The following MAF variants were observed in gnomAD, a reference collection of about 807,000 sequenced individuals.
MAF encodes the protein transcription factor Maf.
Under a neutral mutation model 22.0 loss-of-function variants are expected in MAF, and 10 were observed. That is an observed-to-expected ratio of 0.45 (90% CI 0.28 to 0.77). The LOEUF is 0.77. MAF is among the 30% of genes least tolerant of loss of function. The pLI, the probability that MAF is intolerant of heterozygous loss-of-function variation, is 0.12. For synonymous variants in MAF, 337 were observed against 255.8 expected, an observed-to-expected ratio of 1.32 and a Z score of -3.03; for missense variants, 544 against 548.4, an observed-to-expected ratio of 0.99 and a Z score of 0.08.
At chr16:79,550,662 C>G in the MAF span, among the ~76,000 whole-genome samples, 1 of 152,184 alleles carries the variant, frequency 6.6e-6, no homozygotes, top group Admixed American at 6.5e-5. Context: ...ATCTCACTCA[C>G]TGCCTTTGTC....
the MAF span, among the ~76,000 whole-genome samples, chr16:79,354,419 G>T: frequency 6.6e-6 from 1 of 152,250 alleles, no homozygotes; most frequent in Middle Eastern, 3.4e-3. Context: ...TATGTGTGCT[G>T]GGTGACAGGC....
the MAF span, among the ~76,000 whole-genome samples, chr16:79,284,138 GAAC>G: frequency 6.6e-6 from 1 of 152,168 alleles, no homozygotes; most frequent in African/African-American, 2.4e-5. Flanking sequence ...CGATTTAGCA[GAAC>G]ACCACTGACC....
the MAF span, among the ~76,000 whole-genome samples, chr16:79,450,591 A>G: frequency 6.6e-6 from 1 of 152,204 alleles, no homozygotes; most frequent in East Asian, 1.9e-4. Flanking sequence ...TGTGATTCCT[A>G]CAGTTGTCCT....
At chr16:79,333,375 G>C in the MAF span, among the ~76,000 whole-genome samples, 2 of 152,068 alleles carry the variant, frequency 1.3e-5, no homozygotes, top group Non-Finnish European at 2.9e-5. Context: ...GATTATAGGG[G>C]ACTTTGCAGG....
chr16:79,577,102 G>C, the MAF span, among the ~76,000 whole-genome samples: 2 of 152,098 alleles, frequency 1.3e-5, no homozygotes, highest in South Asian at 4.1e-4. Context: ...TAGAAAAAAA[G>C]CCACTCATTA....
the MAF span, chr16:79,213,030 G>GTGAT: frequency 0.62 from 94,542 of 151,928 alleles, 30,221 homozygotes; most frequent in Non-Finnish European, 0.68. Flanking sequence ...CAAGTACTTA[G>GTGAT]TGATTAGCGG....
chr16:79,339,309 T>C, the MAF span, among the ~76,000 whole-genome samples: 1 of 152,194 alleles, frequency 6.6e-6, no homozygotes, highest in Admixed American at 6.5e-5. Flanking sequence ...TCCGCCTGCC[T>C]CGGCCTCCCA....
At chr16:79,315,257 T>G in the MAF span, among the ~76,000 whole-genome samples, 1 of 152,026 alleles carries the variant, frequency 6.6e-6, no homozygotes, top group Non-Finnish European at 1.5e-5. Flanking sequence ...CCATAGAACA[T>G]ATCAGGGTGA....
At chr16:79,568,772 C>T in the MAF span, among the ~76,000 whole-genome samples, 9 of 152,282 alleles carry the variant, frequency 5.9e-5, no homozygotes, top group East Asian at 1.2e-3. Context: ...ATCTTGAACC[C>T]TTCAAGACAA....
At chr16:79,492,129 C>T in the MAF span, among the ~76,000 whole-genome samples, 1 of 152,170 alleles carries the variant, frequency 6.6e-6, no homozygotes, top group African/African-American at 2.4e-5. Context: ...ATAGAGCAGG[C>T]ACGGGCATGA....
chr16:79,262,438 A>G, the MAF span, among the ~76,000 whole-genome samples: 1 of 152,212 alleles, frequency 6.6e-6, no homozygotes, highest in Admixed American at 6.5e-5. Flanking sequence ...TTGTGGCTAG[A>G]TGCTCTGGAC....
the MAF span, among the ~76,000 whole-genome samples, chr16:79,284,671 GT>G: frequency 6.6e-6 from 1 of 152,318 alleles, no homozygotes; most frequent in East Asian, 1.9e-4. Flanking sequence ...TTGGGAAGTT[GT>G]TTCAAACTGT....
the MAF span, among the ~76,000 whole-genome samples, chr16:79,349,217 G>A: frequency 1.3e-5 from 2 of 152,128 alleles, no homozygotes; most frequent in African/African-American, 2.4e-5. Context: ...AGCAGAGCTG[G>A]GACTCAAAGT....
chr16:79,253,476 C>G, the MAF span, among the ~76,000 whole-genome samples: 1 of 152,180 alleles, frequency 6.6e-6, no homozygotes. Flanking sequence ...TATGTAATCC[C>G]TTAGGCAGTT....
the MAF span, chr16:79,264,505 G>A: frequency 6.6e-6 from 1 of 152,250 alleles, no homozygotes; most frequent in African/African-American, 2.4e-5. Context: ...ATCTTGTGAA[G>A]CTAAGCAGGG....
At chr16:79,492,043 C>T in the MAF span, among the ~76,000 whole-genome samples, 1 of 152,120 alleles carries the variant, frequency 6.6e-6, no homozygotes, top group Non-Finnish European at 1.5e-5. Context: ...AAAATATTTT[C>T]CCCCAAGACC....
At chr16:79,394,138 T>A in the MAF span, among the ~76,000 whole-genome samples, 1 of 152,132 alleles carries the variant, frequency 6.6e-6, no homozygotes, top group Non-Finnish European at 1.5e-5. Flanking sequence ...GAGAGCAAAA[T>A]AAATCAAAAG....
At chr16:79,221,033 G>C in the MAF span, among the ~76,000 whole-genome samples, 1 of 152,232 alleles carries the variant, frequency 6.6e-6, no homozygotes, top group Non-Finnish European at 1.5e-5. Flanking sequence ...AAAGCAGAAA[G>C]AAACAAGCTA....
the MAF span, among the ~76,000 whole-genome samples, chr16:79,249,059 G>C: frequency 6.6e-6 from 1 of 152,172 alleles, no homozygotes; most frequent in Admixed American, 6.5e-5. Flanking sequence ...AGTATTGAGA[G>C]ACAGGGCCTT....
Sources: allele counts gnomAD v4.1 joint callset (sites outside exome capture counted in the v4.1 genomes callset), GRCh38; gene constraint gnomAD v4.1.1; transcripts MANE v1.5; gene names NCBI Gene and HGNC (gene_info 2026-07-23, HGNC 2026-07-21).